Variants in RALGAPB observed in about 807,000 individuals in gnomAD.
The protein encoded by RALGAPB is Ral GTPase activating protein non-catalytic subunit beta, also known as ral GTPase-activating protein subunit beta.
RALGAPB carries 25 observed loss-of-function variants against 161.1 expected under a neutral mutation model. The observed-to-expected ratio is 0.16, with a 90% CI of 0.11 to 0.22. RALGAPB has a LOEUF of 0.22. Ranked by LOEUF, RALGAPB falls within the 10% of genes least tolerant of loss-of-function variation. The pLI, the probability that RALGAPB is intolerant of heterozygous loss-of-function variation, is 1.00. For synonymous variants in RALGAPB, 629 were observed against 626.1 expected (o/e 1.00, Z -0.07); for missense variants, 1,391 against 1,815.2 (o/e 0.77, Z 4.25).
In RALGAPB at chr20:38,499,524, T is replaced by C. The variant is rs762350735; in HGVS notation, c.631T>C (p.Phe211Leu). ...GTGGTTACTAGCTTGTACTCGGTGC[T>C]TCCCAACACCTCCTTATTGGAAAAC... Reference protein sequence around the residue: ...EVWLLACTRCFPTPPYWKTAK... With the variant: ...EVWLLACTRCLPTPPYWKTAK... Residue 211 changes from phenylalanine to leucine, a missense_variant, in exon 5 of 30, where the codon TTC (phenylalanine) becomes CTC (leucine). Physicochemically the swap from Phe to Leu is conservative, Grantham distance 22. Transcript: ENST00000262879. 6.2e-7 allele frequency: 1 copy of C among 1,614,074 alleles called. No homozygotes were observed. The highest frequency in any genetic ancestry group is 8.5e-7 in the Non-Finnish European group (1 of 1,179,980).
intron 6 of RALGAPB, among the ~76,000 whole-genome samples, chr20:38,513,475 G>A (rs371787514): frequency 6.6e-6 from 1 of 151,082 alleles, no homozygotes; most frequent in African/African-American, 2.4e-5. Flanking sequence ...CGGCGGCGGT[G>A]GGGGGTGGGG....
chr20:38,498,845 T>C (rs1373473982), intron 4 of RALGAPB, among the ~76,000 whole-genome samples: 2 of 152,234 alleles, frequency 1.3e-5, no homozygotes, highest in Non-Finnish European at 2.9e-5. Flanking sequence ...TTTGTCTCTC[T>C]GTCTCTCTCC....
chr20:38,572,799 C>T (rs1184567944), intron 28 of RALGAPB, among the ~76,000 whole-genome samples: 2 of 152,094 alleles, frequency 1.3e-5, no homozygotes, highest in African/African-American at 2.4e-5. Context: ...TAAACAACAT[C>T]GCAATAATAA....
At chr20:38,498,178 A>C (rs191174231) in intron 4 of RALGAPB, among the ~76,000 whole-genome samples, 13 of 152,352 alleles carry the variant, frequency 8.5e-5, no homozygotes, top group Non-Finnish European at 1.5e-4. Flanking sequence ...GGTAGTGACA[A>C]GATATTTTAC....
intron 1 of RALGAPB, among the ~76,000 whole-genome samples, chr20:38,487,838 G>A (rs938727894): frequency 1.3e-5 from 2 of 152,092 alleles, no homozygotes; most frequent in Non-Finnish European, 2.9e-5. Context: ...AGGCTGAGGC[G>A]GGTGGATCAC....
intron 18 of RALGAPB, among the ~76,000 whole-genome samples, chr20:38,544,351 T>G (rs927905398): frequency 1.3e-4 from 20 of 152,276 alleles, no homozygotes; most frequent in Non-Finnish European, 2.1e-4. Context: ...CCTTCAGTTT[T>G]TTTTTTTTTT....
Position 38,575,202 on chromosome 20 carries a change from G to T in RALGAPB, c.*235G>T. On this transcript the variant is annotated 3_prime_UTR_variant, in exon 30 of 30. Coordinates refer to ENST00000262879, the MANE Select transcript of RALGAPB (RefSeq NM_020336.4). ...GCTGATAATGATGATATACATTTTAGCCATAAACTTTCTTTTAAAAGTGAC... is the reference window on the plus strand; with the variant it reads ...GCTGATAATGATGATATACATTTTATCCATAAACTTTCTTTTAAAAGTGAC... 1 of 431,580 alleles carries T rather than the reference G, an allele frequency of 2.3e-6. No individual in the cohort carries two copies. The highest frequency in any genetic ancestry group is 4.3e-5 in the South Asian group (1 of 23,360). 26.7% of individuals were successfully genotyped at this position (431,580 alleles called of 1,614,324 possible). A position where few individuals can be genotyped will look rare whatever the true frequency, so the allele number is the denominator to read the frequency against.
intron 22 of RALGAPB, among the ~76,000 whole-genome samples, chr20:38,556,322 C>T (rs57698674): frequency 0.018 from 2,763 of 151,848 alleles, 79 homozygotes; most frequent in African/African-American, 0.062. Flanking sequence ...GACCTTCCTG[C>T]GATGATAAAT....
At chr20:38,556,672 A>G (rs2087596236) in intron 22 of RALGAPB, among the ~76,000 whole-genome samples, 2 of 152,144 alleles carry the variant, frequency 1.3e-5, no homozygotes, top group Non-Finnish European at 2.9e-5. Context: ...TAAAATATGT[A>G]TGAGTTATGT....
chr20:38,540,658 C>A (rs1201090976), intron 17 of RALGAPB, among the ~76,000 whole-genome samples: 1 of 152,054 alleles, frequency 6.6e-6, no homozygotes, highest in Non-Finnish European at 1.5e-5. Context: ...CTTAAACCAT[C>A]CCCCTCCTTT....
At chr20:38,550,796 G>GC (rs2087348309) in intron 20 of RALGAPB, among the ~76,000 whole-genome samples, 1 of 152,202 alleles carries the variant, frequency 6.6e-6, no homozygotes, top group Non-Finnish European at 1.5e-5. Context: ...ACCACTGAAT[G>GC]TGGGAGATTC....
At chr20:38,509,293 T>C (rs2085863140) in intron 6 of RALGAPB, 85 bp downstream of exon 6, 2 of 1,430,666 alleles carry the variant, frequency 1.4e-6, no homozygotes, top group Non-Finnish European at 1.9e-6. Flanking sequence ...TTGTTTGAAT[T>C]CAGAAGGTGG....
At chr20:38,551,032 G>T in intron 20 of RALGAPB, 39 bp from the exon 21 acceptor site, 1 of 1,603,426 alleles carries the variant, frequency 6.2e-7, no homozygotes, top group Non-Finnish European at 8.5e-7. Context: ...ATGGGTATTG[G>T]ACCCTGTGTA....
intron 6 of RALGAPB, among the ~76,000 whole-genome samples, chr20:38,514,775 G>T (rs561380641): frequency 8.5e-5 from 13 of 152,330 alleles, no homozygotes; most frequent in African/African-American, 2.9e-4. Flanking sequence ...CCCATCTGGA[G>T]ATTGTTTCAG....
At chr20:38,494,316 A>C (rs1230129377) in intron 3 of RALGAPB, among the ~76,000 whole-genome samples, 3 of 152,154 alleles carry the variant, frequency 2.0e-5, no homozygotes, top group African/African-American at 7.2e-5. Context: ...GTTTGTATTT[A>C]TTGATTTCAC....
intron 3 of RALGAPB, among the ~76,000 whole-genome samples, chr20:38,493,883 A>G (rs995786559): frequency 1.3e-5 from 2 of 152,128 alleles, no homozygotes; most frequent in Non-Finnish European, 2.9e-5. Context: ...TAACTAGACT[A>G]GCTGTTCTGA....
At chr20:38,563,156 A>G (rs570021089) in intron 24 of RALGAPB, among the ~76,000 whole-genome samples, 2 of 152,308 alleles carry the variant, frequency 1.3e-5, no homozygotes, top group South Asian at 4.1e-4. Context: ...TATATTCTAG[A>G]CATTTTCAGT....
intron 6 of RALGAPB, among the ~76,000 whole-genome samples, chr20:38,512,933 G>A (rs953173255): frequency 1.3e-5 from 2 of 150,906 alleles, no homozygotes; most frequent in African/African-American, 2.5e-5. Flanking sequence ...CTAATTTTTT[G>A]TATTTTTTAG....
At chr20:38,552,157 T>C (rs998655553) in intron 21 of RALGAPB, among the ~76,000 whole-genome samples, 23 of 141,606 alleles carry the variant, frequency 1.6e-4, no homozygotes, top group Non-Finnish European at 3.0e-4. Flanking sequence ...TTTTTTTTTC[T>C]GAGATGGAGT....
Sources: allele counts gnomAD v4.1 joint callset (sites outside exome capture counted in the v4.1 genomes callset), GRCh38; gene constraint gnomAD v4.1.1; transcripts MANE v1.5; gene names NCBI Gene and HGNC (gene_info 2026-07-23, HGNC 2026-07-21).